The following TAFA2 variants were observed in gnomAD, a reference collection of about 807,000 sequenced individuals.
TAFA2 encodes TAFA chemokine like family member 2, also known as chemokine-like protein TAFA-2.
A neutral mutation model predicts 18.8 loss-of-function variants in TAFA2; 7 were observed. The observed-to-expected ratio is 0.37, with a 90% CI of 0.21 to 0.70. TAFA2 has a LOEUF of 0.70. Ranked by LOEUF, TAFA2 falls within the 30% of genes least tolerant of loss-of-function variation. TAFA2 has a pLI of 0.53. For missense variants in TAFA2, 122 were observed against 158.1 expected (o/e 0.77, Z 1.23); for synonymous variants, 60 against 54.2 (o/e 1.11, Z -0.47).
intron 1 of TAFA2, among the ~76,000 whole-genome samples, chr12:62,118,376 T>C (rs954185534): frequency 6.6e-6 from 1 of 152,126 alleles, no homozygotes; most frequent in Non-Finnish European, 1.5e-5. Context: ...TCCACTCTCC[T>C]ACTGATGTCT....
intron 1 of TAFA2, among the ~76,000 whole-genome samples, chr12:61,975,028 T>G (rs1488718037): frequency 6.6e-6 from 1 of 151,476 alleles, no homozygotes; most frequent in African/African-American, 2.4e-5. Flanking sequence ...CCAATAGATT[T>G]TTTTTTAACT....
At chr12:61,991,491 T>C (rs1880009053) in intron 1 of TAFA2, among the ~76,000 whole-genome samples, 1 of 152,224 alleles carries the variant, frequency 6.6e-6, no homozygotes, top group South Asian at 2.1e-4. Context: ...TCTAAAGTCA[T>C]TTATTGGCTT....
chr12:61,999,047 A>G (rs1252243165), intron 1 of TAFA2, among the ~76,000 whole-genome samples: 1 of 152,218 alleles, frequency 6.6e-6, no homozygotes, highest in Non-Finnish European at 1.5e-5. Flanking sequence ...AACGAGATCT[A>G]GTTTCAAATA....
intron 1 of TAFA2, among the ~76,000 whole-genome samples, chr12:61,987,820 C>T (rs901418907): frequency 1.3e-5 from 2 of 152,096 alleles, no homozygotes; most frequent in Admixed American, 6.5e-5. Flanking sequence ...ACAGAGTGTC[C>T]TCAAAAAGAT....
At chr12:61,838,544 G>A (rs930482010) in intron 2 of TAFA2, among the ~76,000 whole-genome samples, 2 of 152,022 alleles carry the variant, frequency 1.3e-5, no homozygotes, top group African/African-American at 2.4e-5. Flanking sequence ...TAGTCAGGCA[G>A]GGAGAGCTAG....
At chr12:62,148,568 G>A (rs1592366590) in intron 1 of TAFA2, among the ~76,000 whole-genome samples, 2 of 152,266 alleles carry the variant, frequency 1.3e-5, no homozygotes, top group South Asian at 4.1e-4. Flanking sequence ...AGGAGGGCAA[G>A]AGTTGAAAAA....
rs1312921123 is a variant in TAFA2 at position 61,714,174 on chromosome 12, G to A, written c.385-3757C>T. Among the ~76,000 whole-genome samples, 5 of 152,232 alleles carry A rather than the reference G, an allele frequency of 3.3e-5. No homozygotes were observed. The East Asian group carries it at 7.7e-4, about 24-fold the overall frequency. On this transcript the variant is annotated intron_variant, in intron 4 of 4. Transcript: ENST00000416284. Reference sequence around the variant, plus strand: ...GCAATAGATATAAAATACTGCATGAGGGAGAGAAATGGCCCTATGATTGTT... The same window carrying A: ...GCAATAGATATAAAATACTGCATGAAGGAGAGAAATGGCCCTATGATTGTT...
intron 1 of TAFA2, among the ~76,000 whole-genome samples, chr12:61,955,632 A>AATATATATATATATATATATAT (rs775755094): frequency 2.4e-5 from 1 of 41,210 alleles, no homozygotes; most frequent in African/African-American, 1.2e-4. Context: ...AAAAAAAAAA[A>AATATATATATATATATATATAT]ATATATATAT....
intron 1 of TAFA2, among the ~76,000 whole-genome samples, chr12:61,975,220 T>C (rs749968692): frequency 6.6e-6 from 1 of 151,814 alleles, no homozygotes; most frequent in Non-Finnish European, 1.5e-5. Flanking sequence ...GTCTTCATGC[T>C]ATACATCTGA....
chr12:62,177,582 T>C (rs544899882), intron 1 of TAFA2, among the ~76,000 whole-genome samples: 2 of 152,348 alleles, frequency 1.3e-5, no homozygotes, highest in African/African-American at 4.8e-5. Flanking sequence ...CGTAATTCTG[T>C]TCTGAACTTC....
intron 1 of TAFA2, chr12:62,135,762 A>T (rs1030843411): frequency 1.4e-5 from 2 of 145,786 alleles, no homozygotes; most frequent in Admixed American, 1.3e-4. Context: ...GCAATAAAGT[A>T]AAAAAAAATC....
intron 1 of TAFA2, among the ~76,000 whole-genome samples, chr12:62,031,756 T>A (rs993889369): frequency 6.6e-5 from 10 of 152,136 alleles, no homozygotes; most frequent in Non-Finnish European, 1.3e-4. Flanking sequence ...CCCTACGACC[T>A]CCATGTTCCA....
intron 1 of TAFA2, among the ~76,000 whole-genome samples, chr12:61,927,331 T>C (rs560317282): frequency 6.6e-6 from 1 of 152,222 alleles, no homozygotes; most frequent in East Asian, 1.9e-4. Flanking sequence ...GGATACAAAA[T>C]GAATGTGTAA....
chr12:61,713,804 G>T (rs1869522873), intron 4 of TAFA2, among the ~76,000 whole-genome samples: 1 of 152,024 alleles, frequency 6.6e-6, no homozygotes, highest in Admixed American at 6.6e-5. Flanking sequence ...GCATGCTGGG[G>T]GGGAAACATA....
chr12:61,868,541 T>C (rs1874453070), intron 1 of TAFA2, among the ~76,000 whole-genome samples: 1 of 152,146 alleles, frequency 6.6e-6, no homozygotes, highest in Non-Finnish European at 1.5e-5. Flanking sequence ...GCCTGATTCC[T>C]TTTCCTCTTG....
At chr12:61,738,362 C>T (rs192791624) in intron 4 of TAFA2, among the ~76,000 whole-genome samples, 75 of 150,046 alleles carry the variant, frequency 5.0e-4, no homozygotes, top group Non-Finnish European at 9.2e-4. Context: ...TAATACTCCT[C>T]CCTCTCCAGT....
intron 2 of TAFA2, among the ~76,000 whole-genome samples, chr12:61,852,480 G>A (rs1451645103): frequency 6.6e-6 from 1 of 152,148 alleles, no homozygotes; most frequent in Non-Finnish European, 1.5e-5. Context: ...CAAACAGAAA[G>A]CCAGAAGGAT....
chr12:61,895,012 A>G (rs1875780921), intron 1 of TAFA2, among the ~76,000 whole-genome samples: 1 of 152,052 alleles, frequency 6.6e-6, no homozygotes, highest in African/African-American at 2.4e-5. Flanking sequence ...TATTTATCTC[A>G]TTTTCCTATA....
intron 4 of TAFA2, among the ~76,000 whole-genome samples, chr12:61,752,077 C>A (rs890241406): frequency 5.3e-5 from 8 of 152,102 alleles, no homozygotes; most frequent in Admixed American, 2.0e-4. Flanking sequence ...TGAAACCTGG[C>A]TTCCTAATTA....
Sources: allele counts gnomAD v4.1 joint callset (sites outside exome capture counted in the v4.1 genomes callset), GRCh38; gene constraint gnomAD v4.1.1; transcripts MANE v1.5; gene names NCBI Gene and HGNC (gene_info 2026-07-23, HGNC 2026-07-21).